Variants in PCYT2 observed in about 807,000 individuals in gnomAD.
PCYT2 encodes ethanolamine-phosphate cytidylyltransferase.
Under a neutral mutation model 50.0 loss-of-function variants are expected in PCYT2, and 33 were observed. The ratio of observed to expected loss-of-function variants is 0.66; its 90% CI spans 0.50 to 0.88. The LOEUF (loss-of-function observed/expected upper bound fraction) is 0.88, where lower values mean the gene tolerates loss of function less well. Among genes scored for constraint, PCYT2 ranks in the 40% least tolerant of loss-of-function variants. The pLI is 0.00. For missense variants in PCYT2, 430 were observed against 519.7 expected (o/e 0.83, Z 1.68); for synonymous variants, 240 against 203.7 (o/e 1.18, Z -1.52).
chr17:81,906,209 A>G (rs1472015329), intron 8 of PCYT2, 32 bp from the exon 9 acceptor site: 1 of 1,577,998 alleles, frequency 6.3e-7, no homozygotes, highest in Non-Finnish European at 8.6e-7. Context: ...CTCAGCCCGG[A>G]GACTTTTTGG....
rs1179088923 is a variant in PCYT2 at position 81,908,990 on chromosome 17, TCTC to T, written c.223_225del (p.Glu75del). 1 of 1,613,890 alleles carries T rather than the reference TCTC, an allele frequency of 6.2e-7. No homozygotes were observed. Among genetic ancestry groups the T allele is most frequent in the Non-Finnish European group, 8.5e-7 (1 of 1,179,982 alleles). The stretch of plus-strand genomic sequence containing the variant: ...TTGATGGCCTGCACCATCTTGTATC[TCTC>T]CTCCTGAGTGAACACCGGGGGCCCC... On this transcript the variant is annotated inframe_deletion, in exon 3 of 13. Coordinates refer to ENST00000538936, the MANE Select transcript of PCYT2 (RefSeq NM_002861.5).
At position 81,902,249 on chromosome 17, in the gene PCYT2, C is replaced by T. The variant is rs1461547417; in HGVS notation, c.*2584G>A. 8.1e-7 allele frequency: 1 copy of T among 1,231,454 alleles called. No individual in the cohort carries two copies. Among genetic ancestry groups the T allele is most frequent in the Non-Finnish European group, 1.0e-6 (1 of 987,648 alleles). 76.3% of individuals were successfully genotyped at this position (1,231,454 alleles called of 1,614,324 possible). A position where few individuals can be genotyped will look rare whatever the true frequency, so the allele number is the denominator to read the frequency against. On this transcript the variant is annotated 3_prime_UTR_variant, in exon 13 of 13. Coordinates refer to ENST00000538936, the MANE Select transcript of PCYT2 (RefSeq NM_002861.5). The stretch of plus-strand genomic sequence containing the variant: ...GCGGTGGCTGCTCCGAGCCCGGACG[C>T]CGCCGCCCACCAGTCAGCCGGCGTC...
intron 1 of PCYT2, 120 bp downstream of exon 1, chr17:81,911,147 C>T: frequency 2.0e-6 from 2 of 1,002,414 alleles, no homozygotes; most frequent in Non-Finnish European, 2.4e-6. Context: ...CAGCCCCGGC[C>T]CATGCCGGAC....
rs1370882432 is a variant in PCYT2 at position 81,904,112 on chromosome 17, A to G, written c.*721T>C. 4.6e-5 allele frequency: 7 copies of G among 152,154 alleles called. No homozygotes were observed. Among genetic ancestry groups the G allele is most frequent in the Non-Finnish European group, 8.8e-5 (6 of 68,072 alleles). The allele number at this position is 152,154 out of a possible 1,614,324, so 9.4% of individuals were successfully genotyped here. ...TTGGAGGGCTGGAGGCCTGGGTTTCACTCACTGCCAGGCTGCCCGCTGCAC... is the reference window on the plus strand; with the variant it reads ...TTGGAGGGCTGGAGGCCTGGGTTTCGCTCACTGCCAGGCTGCCCGCTGCAC... On this transcript the variant is annotated 3_prime_UTR_variant, in exon 13 of 13. Coordinates refer to ENST00000538936, the MANE Select transcript of PCYT2 (RefSeq NM_002861.5).
At chr17:81,907,917 G>T in intron 4 of PCYT2, 60 bp from the exon 5 acceptor site, 1 of 1,392,034 alleles carries the variant, frequency 7.2e-7, no homozygotes, top group Non-Finnish European at 1.0e-6. Context: ...TCTGCCTCCT[G>T]CTACCACCAC....
chr17:81,911,391 C>T lies in PCYT2; in HGVS notation c.-36G>A. 1 of 997,262 alleles carries T rather than the reference C, an allele frequency of 1.0e-6. No individual in the cohort carries two copies. Among genetic ancestry groups the T allele is most frequent in the Non-Finnish European group, 1.2e-6 (1 of 836,430 alleles). The allele number at this position is 997,262 out of a possible 1,614,324, so 61.8% of individuals were successfully genotyped here. A position where few individuals can be genotyped will look rare whatever the true frequency, so the allele number is the denominator to read the frequency against. ...CGGCGGCGCGGACAGCCTGGCAGCT[C>T]CCGGCGACTCCGAGCGCCGCCGCCC... On this transcript the variant is annotated 5_prime_UTR_variant, in exon 1 of 13. Transcript: ENST00000538936.
At chr17:81,909,378 G>A (rs2040453295) in intron 2 of PCYT2, 136 bp downstream of exon 2, 1 of 1,436,070 alleles carries the variant, frequency 7.0e-7, no homozygotes, top group Non-Finnish European at 9.3e-7. Flanking sequence ...CTGGGGCTGG[G>A]CTGGGTGAGC....
In PCYT2 at chr17:81,907,539, C is replaced by A; in HGVS notation, c.537+15G>T. 1 of 1,604,844 alleles carries A rather than the reference C, an allele frequency of 6.2e-7. No individual in the cohort carries two copies. Among genetic ancestry groups the A allele is most frequent in the Non-Finnish European group, 8.5e-7 (1 of 1,176,358 alleles). On this transcript the variant is annotated intron_variant, in intron 6 of 12. Transcript: ENST00000538936. ...GCAGCTGCGTGCTCAGCTCTCCCTG[C>A]ACAGCCGCACTCACCTTGCCAAAAC... is the stretch of plus-strand genomic sequence containing the variant.
At chr17:81,909,752 G>A in intron 1 of PCYT2, 150 bp from the exon 2 acceptor site, 1 of 636,602 alleles carries the variant, frequency 1.6e-6, no homozygotes, top group Non-Finnish European at 2.9e-6. Flanking sequence ...GGGATTCGGA[G>A]GATGTAGGTG....
intron 6 of PCYT2, chr17:81,907,250 T>C: frequency 6.5e-7 from 1 of 1,533,536 alleles, no homozygotes; most frequent in Non-Finnish European, 8.7e-7. Flanking sequence ...GGGTATCGGG[T>C]GAGGGGGCTA....
chr17:81,911,066 C>G (rs2143752740), intron 1 of PCYT2: 4 of 1,001,568 alleles, frequency 4.0e-6, no homozygotes, highest in Non-Finnish European at 4.8e-6. Context: ...CAGAGGTAGA[C>G]GGGGTCGCCC....
At chr17:81,905,914 G>T in intron 9 of PCYT2, 179 bp from the exon 10 acceptor site, 1 of 758,788 alleles carries the variant, frequency 1.3e-6, no homozygotes. Context: ...ACAGCATCTG[G>T]AGACCTGACC....
chr17:81,909,694 A>ACT, intron 1 of PCYT2, 92 bp from the exon 2 acceptor site: 1 of 956,388 alleles, frequency 1.0e-6, no homozygotes, highest in Non-Finnish European at 1.7e-6. Flanking sequence ...TCCTCTGAGG[A>ACT]CTCCTTAGGA....
At chr17:81,909,708 G>A (rs904738112) in intron 1 of PCYT2, 106 bp from the exon 2 acceptor site, 15 of 797,300 alleles carry the variant, frequency 1.9e-5, no homozygotes, top group East Asian at 1.8e-4. Flanking sequence ...CTTAGGAAGC[G>A]CTCTGAGAAG....
intron 1 of PCYT2, 73 bp from the exon 2 acceptor site, chr17:81,909,675 G>A: frequency 2.6e-6 from 3 of 1,169,540 alleles, no homozygotes; most frequent in Non-Finnish European, 3.9e-6. Flanking sequence ...GTTAGGGGCA[G>A]AGCTTTGCTC....
chr17:81,911,295 G>T lies in PCYT2; in HGVS notation c.61C>A (p.Arg21Ser). ...GAEQPGPGGR[R>S]AVRVWCDGCY... ...CCATCGCACCACACCCTCACGGCGC[G>T]CCTGCCCCCCGGGCCCGGCTGCTCT... is the stretch of plus-strand genomic sequence containing the variant. Residue 21 changes from arginine to serine, a missense_variant, in exon 1 of 13, where the codon CGC becomes AGC. By Grantham distance (110) the Arg-to-Ser change is moderately radical (BLOSUM62 -1). This residue lies in a region of PCYT2 where 63 missense variants were observed against 37.5 expected (regional missense o/e 1.68). Transcript: ENST00000538936. 8.8e-7 allele frequency: 1 copy of T among 1,137,866 alleles called. No homozygotes were observed. Among genetic ancestry groups the T allele is most frequent in the Admixed American group, 3.5e-5 (1 of 28,522 alleles). The allele number at this position is 1,137,866 out of a possible 1,614,324, so 70.5% of individuals were successfully genotyped here.
intron 4 of PCYT2, among the ~76,000 whole-genome samples, 181 bp from the exon 5 acceptor site, chr17:81,908,038 G>A (rs1165595640): frequency 6.6e-6 from 1 of 152,236 alleles, no homozygotes; most frequent in African/African-American, 2.4e-5. Flanking sequence ...ACATGGGGAA[G>A]GCCTCCACGC....
rs563935953 is a variant in PCYT2 at position 81,904,618 on chromosome 17, C to T, written c.*215G>A. On this transcript the variant is annotated 3_prime_UTR_variant, in exon 13 of 13. Coordinates refer to ENST00000538936, the MANE Select transcript of PCYT2 (RefSeq NM_002861.5). ...TCTGCCCGTCTCACTTCCGGCCTCT[C>T]CACTGTGCTGGACACCCTCTCTGAG... is the stretch of plus-strand genomic sequence containing the variant. 3.9e-5 allele frequency: 21 copies of T among 543,988 alleles called. No homozygotes were observed. The highest frequency in any genetic ancestry group is 6.5e-5 in the Non-Finnish European group (20 of 306,836). 33.7% of individuals were successfully genotyped at this position (543,988 alleles called of 1,614,324 possible).
At chr17:81,909,385 GA>G in intron 2 of PCYT2, 128 bp downstream of exon 2, 1 of 1,440,708 alleles carries the variant, frequency 6.9e-7, no homozygotes, top group Non-Finnish European at 9.3e-7. Flanking sequence ...TGGGCTGGGT[GA>G]GCCTACAGTG....
Sources: gnomAD v4.1 joint callset for allele counts (sites outside exome capture counted in the v4.1 genomes callset) on GRCh38, gnomAD v4.1.1 for gene constraint, gnomAD v4.1.1 regional missense constraint, MANE v1.5 for transcripts, NCBI Gene and HGNC (gene_info 2026-07-23, HGNC 2026-07-21) for gene names.